Variants in STK32B observed in about 807,000 individuals in gnomAD.
The protein encoded by STK32B is serine/threonine-protein kinase 32B.
Under a neutral mutation model 52.6 loss-of-function variants are expected in STK32B, and 43 were observed. The observed-to-expected ratio is 0.82, with a 90% CI of 0.64 to 1.05. The LOEUF (loss-of-function observed/expected upper bound fraction) is 1.05, where lower values mean the gene tolerates loss of function less well. STK32B is among the 50% of genes least tolerant of loss of function. The pLI, the probability that STK32B is intolerant of heterozygous loss-of-function variation, is 0.00. For missense variants in STK32B, 621 were observed against 534.6 expected, an observed-to-expected ratio of 1.16 and a Z score of -1.59; for synonymous variants, 238 against 204.3, an observed-to-expected ratio of 1.17 and a Z score of -1.41.
chr4:5,096,775 G>A (rs561184164), intron 1 of STK32B, among the ~76,000 whole-genome samples: 1 of 152,290 alleles, frequency 6.6e-6, no homozygotes, highest in South Asian at 2.1e-4. Context: ...CAAAGAAAGA[G>A]CCTGGCTGAC....
At chr4:5,147,381 T>C (rs1214969258) in intron 2 of STK32B, among the ~76,000 whole-genome samples, 1 of 152,264 alleles carries the variant, frequency 6.6e-6, no homozygotes, top group East Asian at 1.9e-4. Flanking sequence ...TATTTGCTAA[T>C]AAAAGTAGTT....
At chr4:5,291,074 A>T (rs1209877241) in intron 3 of STK32B, among the ~76,000 whole-genome samples, 1 of 152,118 alleles carries the variant, frequency 6.6e-6, no homozygotes, top group East Asian at 1.9e-4. Context: ...TGCCAATGCC[A>T]CACTGTCTTC....
intron 3 of STK32B, among the ~76,000 whole-genome samples, chr4:5,327,548 T>C (rs1226679934): frequency 1.3e-5 from 2 of 152,072 alleles, no homozygotes; most frequent in African/African-American, 4.8e-5. Flanking sequence ...AGAGTGGTAA[T>C]ATTTTGAAAG....
At chr4:5,217,516 A>G (rs1346211959) in intron 3 of STK32B, among the ~76,000 whole-genome samples, 1 of 152,216 alleles carries the variant, frequency 6.6e-6, no homozygotes, top group Non-Finnish European at 1.5e-5. Context: ...GGAAAGAGAG[A>G]ATGTACAAGT....
At chr4:5,161,934 A>G (rs990516879) in intron 2 of STK32B, among the ~76,000 whole-genome samples, 4 of 152,110 alleles carry the variant, frequency 2.6e-5, no homozygotes, top group Non-Finnish European at 2.9e-5. Flanking sequence ...TATTCATTCA[A>G]CAGTATTTAC....
the STK32B span, among the ~76,000 whole-genome samples, chr4:5,040,281 C>T: frequency 1.3e-5 from 2 of 152,142 alleles, no homozygotes. Context: ...GTGTCTCTGC[C>T]ACACTGCCCA....
intron 1 of STK32B, among the ~76,000 whole-genome samples, chr4:5,131,996 T>A (rs1477167759): frequency 6.6e-6 from 1 of 152,222 alleles, no homozygotes; most frequent in Admixed American, 6.5e-5. Flanking sequence ...TAGCCTTTAA[T>A]GTAATCAGAG....
At chr4:5,154,634 C>T (rs919528154) in intron 2 of STK32B, among the ~76,000 whole-genome samples, 8 of 152,188 alleles carry the variant, frequency 5.3e-5, no homozygotes, top group African/African-American at 1.9e-4. Flanking sequence ...GACTGAGGCC[C>T]TTCCTGTGTC....
intron 3 of STK32B, among the ~76,000 whole-genome samples, chr4:5,278,009 C>T (rs979445676): frequency 1.3e-5 from 2 of 152,196 alleles, no homozygotes; most frequent in African/African-American, 4.8e-5. Flanking sequence ...CACCATAAGG[C>T]TGCCTAAATG....
chr4:5,156,024 A>G (rs182033293), intron 2 of STK32B, among the ~76,000 whole-genome samples: 161 of 152,148 alleles, frequency 1.1e-3, no homozygotes, highest in Admixed American at 2.8e-3. Flanking sequence ...ATATATGTAC[A>G]TATACCTATA....
intron 2 of STK32B, among the ~76,000 whole-genome samples, chr4:5,156,354 C>T (rs1217411939): frequency 3.3e-5 from 5 of 152,090 alleles, no homozygotes; most frequent in African/African-American, 1.2e-4. Context: ...GATTTTGACA[C>T]ATGGTTTATA....
intron 2 of STK32B, among the ~76,000 whole-genome samples, chr4:5,159,201 A>G (rs1253955071): frequency 1.3e-5 from 2 of 152,164 alleles, no homozygotes; most frequent in African/African-American, 2.4e-5. Flanking sequence ...GGGGTGCCCC[A>G]TGGTGCAGTC....
At position 5,213,663 on chromosome 4, in the gene STK32B, A is replaced by G. The variant is rs561203476; in HGVS notation, c.260+45213A>G. Among the ~76,000 whole-genome samples the G allele has an allele frequency of 5.9e-5, 9 of 152,310 alleles. No homozygotes were observed. In the South Asian group the frequency reaches 1.0e-3, roughly 18 times the overall value. ...TAAAAACCTGCTTCTTTAAAATCAC[A>G]AATACTTCCTTCTTAGCGAAGCTTC... On this transcript the variant is annotated intron_variant, in intron 3 of 11. Transcript: ENST00000282908.
intron 4 of STK32B, among the ~76,000 whole-genome samples, chr4:5,345,066 CAAA>C (rs565553488): frequency 1.3e-5 from 2 of 150,730 alleles, no homozygotes; most frequent in Non-Finnish European, 3.0e-5. Context: ...AAAAAGAAAA[CAAA>C]AACACTTCCC....
At chr4:5,194,154 TCTTA>T (rs1017346705) in intron 3 of STK32B, among the ~76,000 whole-genome samples, 1 of 152,226 alleles carries the variant, frequency 6.6e-6, no homozygotes, top group Non-Finnish European at 1.5e-5. Flanking sequence ...TAATGTGTTT[TCTTA>T]CTTCTTTATA....
chr4:5,441,456 C>T (rs1291028325), intron 6 of STK32B, among the ~76,000 whole-genome samples: 1 of 150,534 alleles, frequency 6.6e-6, no homozygotes, highest in African/African-American at 2.4e-5. Flanking sequence ...GTGATATCCC[C>T]TTTATCATTT....
At chr4:5,256,924 G>A (rs908162986) in intron 3 of STK32B, among the ~76,000 whole-genome samples, 13 of 152,230 alleles carry the variant, frequency 8.5e-5, no homozygotes, top group African/African-American at 2.9e-4. Context: ...CTAGCACAGA[G>A]CAGGTACCCA....
intron 4 of STK32B, among the ~76,000 whole-genome samples, chr4:5,356,353 G>C (rs1560347554): frequency 6.6e-6 from 1 of 152,156 alleles, no homozygotes; most frequent in Non-Finnish European, 1.5e-5. Context: ...TTCATCTCCA[G>C]ATACCTAATT....
intron 5 of STK32B, among the ~76,000 whole-genome samples, chr4:5,406,227 C>G (rs901080466): frequency 6.6e-6 from 1 of 152,198 alleles, no homozygotes; most frequent in East Asian, 1.9e-4. Flanking sequence ...CACACTGATG[C>G]AAGGGGTGGG....
Sources: gnomAD v4.1 joint callset for allele counts (sites outside exome capture counted in the v4.1 genomes callset) on GRCh38, gnomAD v4.1.1 for gene constraint, MANE v1.5 for transcripts, NCBI Gene and HGNC (gene_info 2026-07-23, HGNC 2026-07-21) for gene names.